Variants in TOR1AIP2 observed in about 807,000 individuals in gnomAD.
The protein encoded by TOR1AIP2 is torsin-1A-interacting protein 2.
A neutral mutation model predicts 32.6 loss-of-function variants in TOR1AIP2; 20 were observed. The ratio of observed to expected loss-of-function variants is 0.61; its 90% confidence interval spans 0.43 to 0.89. The LOEUF (loss-of-function observed/expected upper bound fraction) is 0.89. Among genes scored for constraint, TOR1AIP2 ranks in the 40% least tolerant of loss-of-function variants. TOR1AIP2 has a pLI of 0.00. For missense variants in TOR1AIP2, 456 were observed against 553.8 expected (o/e 0.82, Z 1.77); for synonymous variants, 214 against 210.8 (o/e 1.02, Z -0.13).
At chr1:179,859,209 T>A in intron 3 of TOR1AIP2, 1 of 975,706 alleles carries the variant, frequency 1.0e-6, no homozygotes, top group Non-Finnish European at 1.2e-6. Context: ...TACTATTTAT[T>A]GAGTGCCTTC....
intron 2 of TOR1AIP2, chr1:179,874,898 A>G (rs1006891692): frequency 1.3e-5 from 2 of 152,290 alleles, no homozygotes; most frequent in African/African-American, 2.4e-5. Flanking sequence ...ATAGAACCCA[A>G]TATAGCACTA....
At position 179,851,303 on chromosome 1, in the gene TOR1AIP2, A is replaced by C; in HGVS notation, c.95T>G (p.Ile32Ser). The C allele has an allele frequency of 1.2e-6, 2 of 1,605,986 alleles. No homozygotes were observed. The highest frequency in any genetic ancestry group is 1.7e-6 in the Non-Finnish European group (2 of 1,178,876). ...SVNSQAQETT[I>S]IASNAEEAEI... The stretch of plus-strand genomic sequence containing the variant: ...AGCTTCTTCAGCATTACTTGCTATG[A>C]TTGTGGTCTCCTGCGCCTGAGAATT... Residue 32 changes from isoleucine to serine, a missense_variant, in exon 5 of 7, where the codon ATC (isoleucine) becomes AGC (serine). Ile to Ser is a moderately radical substitution (Grantham distance 142). Transcript: ENST00000609928.
intron 3 of TOR1AIP2, chr1:179,865,190 G>A (rs1254538570): frequency 2.5e-6 from 4 of 1,576,022 alleles, no homozygotes; most frequent in Non-Finnish European, 3.4e-6. Flanking sequence ...GACCTAGAAA[G>A]ACAACACAGA....
Position 179,851,085 on chromosome 1 carries a change from A to G in TOR1AIP2, c.313T>C (p.Ser105Pro). The G allele has an allele frequency of 6.2e-7, 1 of 1,614,204 alleles. No individual in the cohort carries two copies. The highest frequency in any genetic ancestry group is 1.6e-4 in the Middle Eastern group (1 of 6,062). The part of the protein sequence containing the change: ...LDGGKGHHLP[S>P]ENLGKEPLDP... ...AAGGGTTCTTTACCCAGATTTTCTG[A>G]AGGGAGGTGATGCCCTTTTCCGCCA... The change falls in exon 5 of 7, where the codon TCA becomes CCA. Residue 105 changes from serine (S) to proline (P), a missense_variant. By Grantham distance (74) the Ser-to-Pro change is moderately conservative. Coordinates refer to ENST00000609928, the MANE Select transcript of TOR1AIP2 (RefSeq NM_001199260.2).
At chr1:179,871,080 A>G (rs1696994858) in intron 2 of TOR1AIP2, among the ~76,000 whole-genome samples, 1 of 152,204 alleles carries the variant, frequency 6.6e-6, no homozygotes, top group Non-Finnish European at 1.5e-5. Flanking sequence ...GGATATAAAA[A>G]GATCCCCTGT....
chr1:179,869,301 A>AG (rs1196151754), intron 2 of TOR1AIP2: 1 of 151,752 alleles, frequency 6.6e-6, no homozygotes, highest in African/African-American at 2.4e-5. Flanking sequence ...AAAAAAAAAA[A>AG]GAAGTATTAA....
At chr1:179,849,005 G>A (rs541714619) in intron 5 of TOR1AIP2, among the ~76,000 whole-genome samples, 12 of 152,134 alleles carry the variant, frequency 7.9e-5, no homozygotes, top group Admixed American at 3.3e-4. Context: ...GCACGGTGGC[G>A]GGTGCCTGTA....
At chr1:179,855,485 A>G (rs990818030) in intron 3 of TOR1AIP2, among the ~76,000 whole-genome samples, 1 of 152,252 alleles carries the variant, frequency 6.6e-6, no homozygotes, top group Admixed American at 6.5e-5. Flanking sequence ...AATACAAAAA[A>G]TAAATTAATG....
chr1:179,866,508 G>A (rs555231213), intron 2 of TOR1AIP2, among the ~76,000 whole-genome samples: 1 of 152,176 alleles, frequency 6.6e-6, no homozygotes, highest in Admixed American at 6.5e-5. Flanking sequence ...CGCCTCCTGG[G>A]TTCAAGCGAT....
At chr1:179,847,995 T>C (rs1643012075) in intron 5 of TOR1AIP2, among the ~76,000 whole-genome samples, 1 of 145,772 alleles carries the variant, frequency 6.9e-6, no homozygotes, top group Non-Finnish European at 1.5e-5. Context: ...ATCGTGCCAC[T>C]GCACTCCAGC....
At chr1:179,862,392 G>C in intron 3 of TOR1AIP2, 1 of 985,194 alleles carries the variant, frequency 1.0e-6, no homozygotes, top group Non-Finnish European at 1.2e-6. Flanking sequence ...GTAGGATAGT[G>C]AAATTCTTCA....
In TOR1AIP2 at chr1:179,846,335, A is replaced by G. The variant is rs776375192; in HGVS notation, c.1149T>C (p.Asp383=). The part of the protein sequence containing the change: ...GSTLIFYKYC[D]HENAAFKDVA... ...CATCTTTAAAGGCAGCATTCTCATG[A>G]TCACAATACTTATAGAAGATCAAAG... Residue 383 remains aspartate, a synonymous_variant, in exon 7 of 7, where the codon GAT becomes GAC. Coordinates refer to ENST00000609928, the MANE Select transcript of TOR1AIP2 (RefSeq NM_001199260.2). 10 of 1,614,090 alleles carry G rather than the reference A, an allele frequency of 6.2e-6. No homozygotes were observed. The East Asian group carries it at 2.2e-4, about 36-fold the overall frequency.
intron 2 of TOR1AIP2, among the ~76,000 whole-genome samples, chr1:179,867,371 TGC>T: frequency 6.6e-6 from 1 of 152,306 alleles, no homozygotes; most frequent in South Asian, 2.1e-4. Flanking sequence ...AGATACTTGG[TGC>T]TGATAGCACA....
intron 5 of TOR1AIP2, among the ~76,000 whole-genome samples, 159 bp from the exon 6 acceptor site, chr1:179,847,795 A>T (rs957530307): frequency 1.3e-5 from 2 of 152,184 alleles, no homozygotes; most frequent in Admixed American, 6.5e-5. Flanking sequence ...GCACTTTGGG[A>T]GGCTGAAACA....
At chr1:179,860,193 CT>C in intron 3 of TOR1AIP2, 1 of 985,394 alleles carries the variant, frequency 1.0e-6, no homozygotes. Flanking sequence ...AGTTCTAAAA[CT>C]AAGACTCGGT....
In TOR1AIP2 at chr1:179,842,916, G is replaced by A. The variant is rs1695767836; in HGVS notation, c.*3155C>T. ...TTTTAAAAATTAGCCAGGTGTCGGGGCGGGCACCTGTAGTCCCAGCTACTT... is the reference window on the plus strand; with the variant it reads ...TTTTAAAAATTAGCCAGGTGTCGGGACGGGCACCTGTAGTCCCAGCTACTT... On this transcript the variant is annotated 3_prime_UTR_variant, in exon 7 of 7. Transcript: ENST00000609928. 1 of 151,788 alleles carries A rather than the reference G, an allele frequency of 6.6e-6. No individual in the cohort carries two copies. Among genetic ancestry groups the A allele is most frequent in the South Asian group, 2.1e-4 (1 of 4,818 alleles). The allele number at this position is 151,788 out of a possible 1,614,324, so 9.4% of individuals were successfully genotyped here. A position where few individuals can be genotyped will look rare whatever the true frequency, so the allele number is the denominator to read the frequency against.
chr1:179,850,828 TCA>T lies in TOR1AIP2; in HGVS notation c.553+15_553+16del. ...GAGCAGTACAAAACAGGAGAGTAGT[TCA>T]GGGGGTTCTCTTACCTGGGGCCAGC... On this transcript the variant is annotated intron_variant, in intron 5 of 6. Transcript: ENST00000609928. The T allele has an allele frequency of 6.2e-7, 1 of 1,609,138 alleles. No homozygotes were observed. Among genetic ancestry groups the T allele is most frequent in the Non-Finnish European group, 8.5e-7 (1 of 1,177,208 alleles).
At chr1:179,868,169 C>T (rs1011381677) in intron 2 of TOR1AIP2, 1 of 152,232 alleles carries the variant, frequency 6.6e-6, no homozygotes, top group Admixed American at 6.5e-5. Flanking sequence ...ACCTGAAACA[C>T]AGGACTTCTT....
At position 179,844,376 on chromosome 1, in the gene TOR1AIP2, G is replaced by A. The variant is rs1297176489; in HGVS notation, c.*1695C>T. 2.0e-5 allele frequency: 3 copies of A among 152,122 alleles called. No homozygotes were observed. Among genetic ancestry groups the A allele is most frequent in the Non-Finnish European group, 2.9e-5 (2 of 68,028 alleles). The allele number at this position is 152,122 out of a possible 1,614,324, so 9.4% of individuals were successfully genotyped here. A position where few individuals can be genotyped will look rare whatever the true frequency, so the allele number is the denominator to read the frequency against. ...TTTTTAGGTATCAGTAAAGATCCCT[G>A]TATCTTCTTAGTGTTTCCTAAAATC... On this transcript the variant is annotated 3_prime_UTR_variant, in exon 7 of 7. Coordinates refer to ENST00000609928, the MANE Select transcript of TOR1AIP2 (RefSeq NM_001199260.2).
Sources: gnomAD v4.1 joint callset for allele counts (sites outside exome capture counted in the v4.1 genomes callset) on GRCh38, gnomAD v4.1.1 for gene constraint, MANE v1.5 for transcripts, NCBI Gene and HGNC (gene_info 2026-07-23, HGNC 2026-07-21) for gene names.